SEMA4G: variants seen among roughly 807,000 people sequenced by gnomAD.
SEMA4G encodes semaphorin 4G.
Under a neutral mutation model 81.2 loss-of-function variants are expected in SEMA4G, and 59 were observed. That is an observed-to-expected ratio of 0.73 (90% CI 0.59 to 0.90). SEMA4G has a LOEUF of 0.90. SEMA4G is among the 40% of genes least tolerant of loss of function. SEMA4G has a pLI of 0.00. For missense variants in SEMA4G, 952 were observed against 1,102.3 expected, an observed-to-expected ratio of 0.86 and a Z score of 1.93; for synonymous variants, 404 against 433.9, an observed-to-expected ratio of 0.93 and a Z score of 0.86.
chr10:100,973,502 G>A lies in SEMA4G; in HGVS notation c.274-45G>A. On this transcript the variant is annotated intron_variant, in intron 2 of 13. Transcript: ENST00000370250. The surrounding 1 kb of genome is among the most constrained non-coding windows in gnomAD (Gnocchi z 5.5). ...CTATTGCCTGGTCCTATGAGTAATA[G>A]GTATTGGGGTCAGTGCATCAGCCTA... The A allele has an allele frequency of 6.3e-7, 1 of 1,588,672 alleles. No homozygotes were observed.
chr10:100,984,199 C>T (rs1257290025), exon 14 of SEMA4G: 18 of 1,527,614 alleles, frequency 1.2e-5, no homozygotes, highest in Non-Finnish European at 1.6e-5. Flanking sequence ...CACTGCCTCC[C>T]TAACACAGCC....
upstream of SEMA4G, among the ~76,000 whole-genome samples, chr10:100,970,151 A>T (rs1233547516): frequency 6.6e-6 from 1 of 152,034 alleles, no homozygotes; most frequent in African/African-American, 2.4e-5. Context: ...CCACCCCAAG[A>T]TCTAATAGAG....
chr10:100,984,301 C>T (rs908564430), exon 14 of SEMA4G: 1 of 1,439,508 alleles, frequency 6.9e-7, no homozygotes, highest in African/African-American at 1.4e-5. Context: ...AAAGCCCCCT[C>T]CTCAGTCTCC....
chr10:100,984,755 A>C (rs1219725456), exon 14 of SEMA4G: 2 of 1,535,952 alleles, frequency 1.3e-6, no homozygotes, highest in South Asian at 1.2e-5. Flanking sequence ...CCCCAGCCCC[A>C]TGTGGTGACC....
In SEMA4G at chr10:100,972,758, A is replaced by C; in HGVS notation, c.-155A>C. The C allele has an allele frequency of 3.2e-6, 2 of 631,334 alleles. No homozygotes were observed. Among genetic ancestry groups the C allele is most frequent in the Non-Finnish European group, 5.2e-6 (2 of 384,704 alleles). The allele number at this position is 631,334 out of a possible 1,614,324, so 39.1% of individuals were successfully genotyped here. ...CGATTCCAGGACCCCCCATGGCCCC[A>C]TGATTCCTTGACTCCTATGACCTTA... On this transcript the variant is annotated 5_prime_UTR_variant, in exon 1 of 14. An upstream start codon of the reference 5' UTR is lost. Coordinates refer to ENST00000370250, the Ensembl canonical transcript of SEMA4G.
Position 100,983,344 on chromosome 10 carries a change from G to A in SEMA4G, c.1730G>A (p.Gly577Asp), listed in dbSNP as rs773478369. Residue 577 changes from glycine (G) to aspartate (D), a missense_variant, in exon 14 of 14, where the codon GGT becomes GAT. By Grantham distance (94) the Gly-to-Asp change is moderately conservative. This residue lies in a region of SEMA4G where 385 missense variants were observed against 413.5 expected (regional missense o/e 0.93). Coordinates refer to ENST00000370250, the Ensembl canonical transcript of SEMA4G. The stretch of plus-strand genomic sequence containing the variant: ...CTGAAGACCCGCTCTGTGCTCCGGG[G>A]TGATGATGTCCTCCTGCCCTGTGAC... 17 of 1,593,360 alleles carry A rather than the reference G, an allele frequency of 1.1e-5. No homozygotes were observed. Among genetic ancestry groups the A allele is most frequent in the South Asian group, 4.5e-5 (4 of 88,098 alleles).
In SEMA4G at chr10:100,978,461, C is replaced by G. The variant is rs772286333; in HGVS notation, c.530-66C>G. The G allele has an allele frequency of 1.9e-6, 3 of 1,592,462 alleles. No individual in the cohort carries two copies. In the Admixed American group the frequency reaches 5.0e-5, roughly 27 times the overall value. On this transcript the variant is annotated intron_variant, in intron 5 of 13. Coordinates refer to ENST00000370250, the Ensembl canonical transcript of SEMA4G. ...GGATCTCATCTCTAGGACCTGCCAC[C>G]ATGTATATGTCATGTGCCCTGTTGA... is the stretch of plus-strand genomic sequence containing the variant.
In SEMA4G at chr10:100,973,142, C is replaced by T. The variant is rs144341151; in HGVS notation, c.138C>T (p.Thr46=). 51 of 1,613,892 alleles carry T rather than the reference C, an allele frequency of 3.2e-5. No individual in the cohort carries two copies. The African/African-American group carries it at 6.7e-4, about 21-fold the overall frequency. Residue 46 remains threonine, a synonymous_variant, in exon 2 of 14, where the codon ACC becomes ACT. Coordinates refer to ENST00000370250, the Ensembl canonical transcript of SEMA4G. This position sits in a 1 kb window ranked among gnomAD's most constrained non-coding sequence, Gnocchi z 5.5. The stretch of plus-strand genomic sequence containing the variant: ...TGCTCTCCCCAGAGCTCTCTGGGAC[C>T]CGGCACTTCAAGGGCCAAGCCCAGA...
chr10:100,978,559 T>C, exon 6 of SEMA4G: 1 of 1,614,142 alleles, frequency 6.2e-7, no homozygotes, highest in South Asian at 1.1e-5. Context: ...TAGGTATGAA[T>C]TCCGGAGCAT....
chr10:100,973,447 C>G lies in SEMA4G; in HGVS notation c.274-100C>G. On this transcript the variant is annotated intron_variant, in intron 2 of 13. Transcript: ENST00000370250. The surrounding 1 kb of genome is among the most constrained non-coding windows in gnomAD (Gnocchi z 5.5). ...TCAGTGTTCCTCCTGAAATTGATCC[C>G]CACCCCAATTTCCCCAACTCTGTGG... is the stretch of plus-strand genomic sequence containing the variant. The G allele has an allele frequency of 7.0e-7, 1 of 1,429,236 alleles. No individual in the cohort carries two copies. The highest frequency in any genetic ancestry group is 9.7e-7 in the Non-Finnish European group (1 of 1,028,176). 88.5% of individuals were successfully genotyped at this position (1,429,236 alleles called of 1,614,324 possible). A position where few individuals can be genotyped will look rare whatever the true frequency, so the allele number is the denominator to read the frequency against.
intron 3 of SEMA4G, among the ~76,000 whole-genome samples, chr10:100,977,170 G>C (rs1850833786): frequency 6.6e-6 from 1 of 152,182 alleles, no homozygotes; most frequent in Non-Finnish European, 1.5e-5. Context: ...CTTGGCTTCT[G>C]ACAAGGTGAG....
Position 100,973,546 on chromosome 10 carries a change from G to C in SEMA4G, c.274-1G>C. 1 of 1,614,030 alleles carries C rather than the reference G, an allele frequency of 6.2e-7. No homozygotes were observed. The highest frequency in any genetic ancestry group is 8.5e-7 in the Non-Finnish European group (1 of 1,179,950). On this transcript the variant is annotated splice_acceptor_variant, in intron 2 of 13. Coordinates refer to ENST00000370250, the Ensembl canonical transcript of SEMA4G. LOFTEE classifies it high-confidence loss of function. This position sits in a 1 kb window ranked among gnomAD's most constrained non-coding sequence, Gnocchi z 5.5. Reference sequence around the variant, plus strand: ...CAGCCTATTCCCTTTGCCTCCACTAGATCCACTGGGAAGCCTCCCCAGAGA... The same window carrying C: ...CAGCCTATTCCCTTTGCCTCCACTACATCCACTGGGAAGCCTCCCCAGAGA...
intron 3 of SEMA4G, among the ~76,000 whole-genome samples, 200 bp from the exon 5 acceptor site, chr10:100,977,428 GGAGA>G: frequency 6.6e-6 from 1 of 152,310 alleles, no homozygotes; most frequent in Middle Eastern, 3.4e-3. Flanking sequence ...GAGGGACAGA[GGAGA>G]GAAATAGGGT....
rs1349407594 is a variant in SEMA4G, at chr10:100,983,798, GAC to G, written c.2186_2187del (p.Thr729SerfsTer11). 1 of 1,606,078 alleles carries G rather than the reference GAC, an allele frequency of 6.2e-7. No individual in the cohort carries two copies. The highest frequency in any genetic ancestry group is 8.5e-7 in the Non-Finnish European group (1 of 1,176,282). Reference sequence around the variant, plus strand: ...CAGGAGGATCTGCGGTGCAACTGCAGACAGTCTCAGGCCAGTGTCCTGGAGAG... The same window carrying G: ...CAGGAGGATCTGCGGTGCAACTGCAGAGTCTCAGGCCAGTGTCCTGGAGAG... On this transcript the variant is annotated frameshift_variant, in exon 14 of 14. Transcript: ENST00000370250. LOFTEE classifies it high-confidence loss of function.
At chr10:100,978,263 G>C (rs778830178) in intron 4 of SEMA4G, 32 bp from the exon 6 acceptor site, 4 of 1,567,744 alleles carry the variant, frequency 2.6e-6, no homozygotes, top group Non-Finnish European at 3.5e-6. Flanking sequence ...CCTGTCTTCG[G>C]AACCACTTAC....
chr10:100,978,910 TGAC>T (rs1850922975), exon 7 of SEMA4G: 1 of 1,614,098 alleles, frequency 6.2e-7, no homozygotes, highest in Non-Finnish European at 8.5e-7. Flanking sequence ...TGGGTGATGA[TGAC>T]AAGGTGTACT....
Position 100,980,449 on chromosome 10 carries a change from G to A in SEMA4G, c.1351+105G>A, listed in dbSNP as rs781029331. On this transcript the variant is annotated intron_variant, in intron 10 of 13. Coordinates refer to ENST00000370250, the Ensembl canonical transcript of SEMA4G. ...GTCTGGAGTTCCCAGTGTCCTGAGG[G>A]TCCACTGCTCCTGGCTGAGTCCTTG... 4.0e-5 allele frequency: 55 copies of A among 1,360,460 alleles called. No individual in the cohort carries two copies. In the Admixed American group the frequency reaches 4.7e-4, roughly 12 times the overall value. The allele number at this position is 1,360,460 out of a possible 1,614,324, so 84.3% of individuals were successfully genotyped here.
At position 100,978,405 on chromosome 10, in the gene SEMA4G, C is replaced by G; in HGVS notation, c.529+17C>G. On this transcript the variant is annotated intron_variant, in intron 5 of 13. Transcript: ENST00000370250. Reference sequence around the variant, plus strand: ...TCATCATTGGTGAGCAGGCCTTCTTCCCTATCACAGACATGGTATTTTTAG... The same window carrying G: ...TCATCATTGGTGAGCAGGCCTTCTTGCCTATCACAGACATGGTATTTTTAG... The G allele has an allele frequency of 6.2e-7, 1 of 1,610,318 alleles. No homozygotes were observed.
exon 4 of SEMA4G, chr10:100,977,713 C>T (rs1295606625): frequency 4.3e-6 from 7 of 1,613,688 alleles, no homozygotes; most frequent in African/African-American, 1.3e-5. Flanking sequence ...CGCCTTCCAG[C>T]CCCTCTGTGC....
Sources: gnomAD v4.1 joint callset for allele counts (sites outside exome capture counted in the v4.1 genomes callset) on GRCh38, gnomAD v4.1.1 for gene constraint, gnomAD v4.1.1 regional missense constraint, Gnocchi (gnomAD v3.1) non-coding constraint, MANE v1.5 for transcripts, NCBI Gene and HGNC (gene_info 2026-07-23, HGNC 2026-07-21) for gene names.